The following BRF1 variants were observed in gnomAD, a reference collection of about 807,000 sequenced individuals.
BRF1 encodes transcription factor IIIB 90 kDa subunit.
BRF1 carries 59 observed loss-of-function variants against 81.7 expected under a neutral mutation model. The observed-to-expected ratio is 0.72, with a 90% CI of 0.59 to 0.90. The LOEUF is 0.90. BRF1 is among the 40% of genes least tolerant of loss of function. The pLI is 0.00. For synonymous variants in BRF1, 491 were observed against 395.6 expected (o/e 1.24, Z -2.86); for missense variants, 1,050 against 936.3 (o/e 1.12, Z -1.58).
intron 1 of BRF1, among the ~76,000 whole-genome samples, chr14:105,314,056 G>A (rs949294404): frequency 6.6e-6 from 1 of 152,268 alleles, no homozygotes. Flanking sequence ...GGCGCCCGGG[G>A]TCATCTGGAG....
chr14:105,248,890 C>T (rs1165699455), intron 5 of BRF1: 1 of 987,970 alleles, frequency 1.0e-6, no homozygotes, highest in African/African-American at 1.8e-5. Flanking sequence ...GAACTCTACG[C>T]TCCCGCCAGC....
At chr14:105,226,024 G>A in intron 10 of BRF1, 45 bp downstream of exon 10, 2 of 1,527,526 alleles carry the variant, frequency 1.3e-6, no homozygotes, top group Non-Finnish European at 1.8e-6. Flanking sequence ...TGAGACTCTA[G>A]CACATTTTAA....
chr14:105,314,501 CGT>C (rs1434534125), intron 1 of BRF1: 1 of 148,184 alleles, frequency 6.7e-6, no homozygotes, highest in Non-Finnish European at 1.5e-5. Flanking sequence ...TGCGCAGGCG[CGT>C]GAGTGCGCGC....
In BRF1 at chr14:105,271,592, G is replaced by A. The variant is rs767522617; in HGVS notation, c.439+1129C>T. Among the ~76,000 whole-genome samples the A allele has an allele frequency of 4.6e-5, 7 of 152,238 alleles. No individual in the cohort carries two copies. The highest frequency in any genetic ancestry group is 7.3e-5 in the Non-Finnish European group (5 of 68,032). The stretch of plus-strand genomic sequence containing the variant: ...ATGAGGAGGGTGTGGACCAGGAAGC[G>A]GGGAGTCCCCAGAGAGCAGGGAAAA... On this transcript the variant is annotated intron_variant, in intron 3 of 17. Coordinates refer to ENST00000547530, the MANE Select transcript of BRF1 (RefSeq NM_001519.4). The surrounding 1 kb of genome is among the most constrained non-coding windows in gnomAD (Gnocchi z 5.5).
chr14:105,275,846 G>T (rs2056859416), intron 2 of BRF1, among the ~76,000 whole-genome samples: 2 of 152,280 alleles, frequency 1.3e-5, no homozygotes, highest in African/African-American at 4.8e-5. Context: ...GATGAGCTCA[G>T]TGCCCTTAAA....
In BRF1 at chr14:105,254,546, C is replaced by T. The variant is rs587710117; in HGVS notation, c.472-1967G>A. On this transcript the variant is annotated intron_variant, in intron 4 of 17. Transcript: ENST00000547530. ...TGCTGGGATTACAGGAGTGAGCCAC[C>T]GCACCTGGCCGCAGTTTTTTGTTTG... 7.2e-5 allele frequency among the ~76,000 whole-genome samples: 11 copies of T among 152,034 alleles called. No individual in the cohort carries two copies. The South Asian group carries it at 1.9e-3, about 26-fold the overall frequency.
intron 1 of BRF1, among the ~76,000 whole-genome samples, chr14:105,293,340 A>G (rs1297541270): frequency 6.6e-6 from 1 of 152,222 alleles, no homozygotes; most frequent in Non-Finnish European, 1.5e-5. Flanking sequence ...AACGGAAAAC[A>G]GCAGCACTCA....
At chr14:105,248,994 C>T (rs895688983) in intron 5 of BRF1, 17 of 998,176 alleles carry the variant, frequency 1.7e-5, no homozygotes, top group Non-Finnish European at 1.9e-5. Context: ...CGCGCCAGCG[C>T]CGCCGCCGCC....
chr14:105,263,700 C>T (rs1210850420), intron 3 of BRF1, among the ~76,000 whole-genome samples: 5 of 152,088 alleles, frequency 3.3e-5, no homozygotes, highest in East Asian at 1.9e-4. Context: ...GTGAGATGGG[C>T]GGACCACGAG....
chr14:105,251,941 C>T (rs939230745), intron 5 of BRF1, among the ~76,000 whole-genome samples: 4 of 152,022 alleles, frequency 2.6e-5, no homozygotes, highest in Non-Finnish European at 4.4e-5. Context: ...TACAGGAGTT[C>T]CACAAACTCG....
chr14:105,209,448 C>T lies in BRF1; in HGVS notation c.*1103G>A. 1.4e-6 allele frequency: 1 copy of T among 696,708 alleles called. No homozygotes were observed. Among genetic ancestry groups the T allele is most frequent in the Non-Finnish European group, 2.6e-6 (1 of 382,694 alleles). 43.2% of individuals were successfully genotyped at this position (696,708 alleles called of 1,614,324 possible). ...GTTGGGGCAGGACATACAGCCCATT[C>T]CATGGGGAGGATGAGGCCCCTGGGG... On this transcript the variant is annotated 3_prime_UTR_variant, in exon 18 of 18. Transcript: ENST00000547530.
At chr14:105,244,318 C>T (rs749881463) in intron 5 of BRF1, among the ~76,000 whole-genome samples, 2 of 152,032 alleles carry the variant, frequency 1.3e-5, no homozygotes, top group Non-Finnish European at 2.9e-5. Flanking sequence ...GTGATGCATA[C>T]CTGTTGTCTC....
chr14:105,299,266 A>G (rs1381118053), intron 1 of BRF1, among the ~76,000 whole-genome samples: 2 of 152,132 alleles, frequency 1.3e-5, no homozygotes, highest in East Asian at 3.8e-4. Context: ...AACAATAAGA[A>G]AACAACCCAA....
intron 15 of BRF1, among the ~76,000 whole-genome samples, chr14:105,215,824 T>G (rs111206936): frequency 3.8e-5 from 3 of 78,838 alleles, no homozygotes; most frequent in Non-Finnish European, 2.5e-5. Context: ...CACACACACA[T>G]GCACACACAC....
rs1184475904 is a variant in BRF1, at chr14:105,300,551, C to T, written c.79G>A (p.Ala27Thr). The change falls in exon 1 of 18, where the codon GCC (alanine) becomes ACC (threonine). Residue 27 changes from alanine to threonine, a missense_variant. Physicochemically the swap from Ala to Thr is moderately conservative, Grantham distance 58. Transcript: ENST00000547530. Reference protein sequence around the residue: ...DAARGDAVCTACGSVLEDNII... With the variant: ...DAARGDAVCTTCGSVLEDNII... ...TTGTCCTCCAGCACTGAGCCGCAGG[C>T]GGTGCACACCGCGTCCCCGCGCGCC... The T allele has an allele frequency of 1.3e-6, 2 of 1,506,418 alleles. No individual in the cohort carries two copies. Among genetic ancestry groups the T allele is most frequent in the Non-Finnish European group, 8.8e-7 (1 of 1,131,240 alleles). The allele number at this position is 1,506,418 out of a possible 1,614,324, so 93.3% of individuals were successfully genotyped here. A position where few individuals can be genotyped will look rare whatever the true frequency, so the allele number is the denominator to read the frequency against.
rs1489457427 is a variant in BRF1 at position 105,217,767 on chromosome 14, G to C, written c.1549C>G (p.Gln517Glu). 2 of 1,613,192 alleles carry C rather than the reference G, an allele frequency of 1.2e-6. No homozygotes were observed. The highest frequency in any genetic ancestry group is 1.7e-6 in the Non-Finnish European group (2 of 1,179,886). ...ATGGCCTCCCTGGCGGTACTGGCCT[G>C]AATTGGCTCCCGTCGCTTGCAAGAC... The part of the protein sequence containing the change: ...KKSCKRREPI[Q>E]ASTAREAIEK... Residue 517 changes from glutamine to glutamate, a missense_variant, in exon 15 of 18, where the codon CAG (glutamine) becomes GAG (glutamate). Gln to Glu is a conservative substitution (Grantham distance 29). Around this residue, in one of 2 missense-constraint regions of BRF1, gnomAD observed 1,043 missense variants for 915.4 expected, o/e 1.14. Transcript: ENST00000547530.
chr14:105,247,821 C>G, intron 5 of BRF1: 1 of 985,648 alleles, frequency 1.0e-6, no homozygotes, highest in Non-Finnish European at 1.2e-6. Context: ...CTGTGCGGCC[C>G]AGGCCAGGTG....
intron 11 of BRF1, 95 bp downstream of exon 11, chr14:105,221,553 A>G: frequency 1.3e-6 from 2 of 1,492,050 alleles, no homozygotes; most frequent in Non-Finnish European, 1.8e-6. Context: ...ACCTCCCGAC[A>G]GAGGATGGCA....
intron 2 of BRF1, among the ~76,000 whole-genome samples, chr14:105,275,245 CT>C (rs746681476): frequency 9.6e-4 from 147 of 152,334 alleles, no homozygotes; most frequent in Non-Finnish European, 2.0e-3. Context: ...TGCCAGGCCC[CT>C]GGCAGTCAGC....
Sources: allele counts gnomAD v4.1 joint callset (sites outside exome capture counted in the v4.1 genomes callset), GRCh38; gene constraint gnomAD v4.1.1; regional missense constraint gnomAD v4.1.1; non-coding constraint Gnocchi (gnomAD v3.1); transcripts MANE v1.5; gene names NCBI Gene and HGNC (gene_info 2026-07-23, HGNC 2026-07-21).